The following NELL1 variants were observed in gnomAD, a reference collection of about 807,000 sequenced individuals.
NELL1 encodes the protein protein kinase C-binding protein NELL1.
In NELL1, 76 loss-of-function variants were observed where a neutral mutation model predicts 107.4. That is an observed-to-expected ratio of 0.71 (90% CI 0.59 to 0.86). NELL1 has a LOEUF of 0.86. Ranked by LOEUF, NELL1 falls within the 40% of genes least tolerant of loss-of-function variation. NELL1 has a pLI of 0.00. For missense variants in NELL1, 1,024 were observed against 1,005.5 expected, an observed-to-expected ratio of 1.02 and a Z score of -0.25; for synonymous variants, 353 against 341.2, an observed-to-expected ratio of 1.03 and a Z score of -0.38.
chr11:21,475,171 G>T (rs1199487748), intron 15 of NELL1, among the ~76,000 whole-genome samples: 2 of 152,056 alleles, frequency 1.3e-5, no homozygotes, highest in African/African-American at 4.8e-5. Flanking sequence ...TGTTAACATT[G>T]GTTATAACAC....
intron 2 of NELL1, chr11:20,769,269 G>C (rs1449496098): frequency 6.6e-6 from 1 of 152,350 alleles, no homozygotes; most frequent in African/African-American, 2.4e-5. Flanking sequence ...GAAGGCAGAG[G>C]AGTGCACAAT....
At chr11:21,057,803 T>A (rs1211716125) in intron 12 of NELL1, among the ~76,000 whole-genome samples, 1 of 152,018 alleles carries the variant, frequency 6.6e-6, no homozygotes, top group Non-Finnish European at 1.5e-5. Context: ...ATTTTGCCTA[T>A]CTGTGATTTT....
At chr11:21,286,454 G>A (rs149872284) in intron 14 of NELL1, among the ~76,000 whole-genome samples, 1,939 of 152,298 alleles carry the variant, frequency 0.013, 25 homozygotes, top group Middle Eastern at 0.027. Context: ...GGAGCAAGGG[G>A]CGGATTTTAG....
At chr11:20,697,965 G>T (rs759377482) in intron 2 of NELL1, among the ~76,000 whole-genome samples, 2 of 152,154 alleles carry the variant, frequency 1.3e-5, no homozygotes, top group Non-Finnish European at 2.9e-5. Context: ...TTTGTTAAAT[G>T]CCGATCTTCC....
intron 3 of NELL1, among the ~76,000 whole-genome samples, chr11:20,799,996 A>C (rs934225978): frequency 6.6e-6 from 1 of 152,176 alleles, no homozygotes; most frequent in Non-Finnish European, 1.5e-5. Context: ...ACTTAGGATC[A>C]TGGCCCCCAG....
chr11:21,097,055 T>G (rs1854660384), intron 12 of NELL1, among the ~76,000 whole-genome samples: 1 of 152,114 alleles, frequency 6.6e-6, no homozygotes, highest in Admixed American at 6.6e-5. Context: ...TTAACTACTC[T>G]ACTCCTAAAA....
At chr11:21,219,171 T>C (rs2133869803) in intron 13 of NELL1, among the ~76,000 whole-genome samples, 1 of 152,266 alleles carries the variant, frequency 6.6e-6, no homozygotes, top group Admixed American at 6.5e-5. Flanking sequence ...ATATAGGCCA[T>C]TTTAACTGGG....
chr11:21,231,925 T>C (rs1379953349), intron 14 of NELL1, among the ~76,000 whole-genome samples: 1 of 152,058 alleles, frequency 6.6e-6, no homozygotes, highest in Non-Finnish European at 1.5e-5. Flanking sequence ...GAGCTTGTAC[T>C]CTTCACACCT....
intron 12 of NELL1, among the ~76,000 whole-genome samples, chr11:21,062,938 A>T (rs1036028422): frequency 2.5e-4 from 38 of 151,808 alleles, no homozygotes; most frequent in Admixed American, 8.5e-4. Context: ...AGCAATTCTC[A>T]TCCCTTAGCC....
At chr11:21,531,178 C>A (rs78743273) in intron 15 of NELL1, among the ~76,000 whole-genome samples, 1,842 of 152,228 alleles carry the variant, frequency 0.012, 38 homozygotes, top group East Asian at 0.076. Context: ...CACAAACACA[C>A]ACACACATAT....
chr11:21,199,052 T>A (rs972188928), intron 13 of NELL1, among the ~76,000 whole-genome samples: 6 of 152,146 alleles, frequency 3.9e-5, no homozygotes, highest in Non-Finnish European at 8.8e-5. Context: ...CAGTTTTGTA[T>A]CTATTCTTTT....
chr11:20,819,081 T>A (rs1040070838), intron 3 of NELL1, among the ~76,000 whole-genome samples: 5 of 152,178 alleles, frequency 3.3e-5, no homozygotes, highest in Non-Finnish European at 5.9e-5. Flanking sequence ...AAACAGTATA[T>A]TTTACTGGCT....
chr11:20,735,236 G>A (rs1368767949), intron 2 of NELL1, among the ~76,000 whole-genome samples: 1 of 152,134 alleles, frequency 6.6e-6, no homozygotes, highest in Non-Finnish European at 1.5e-5. Context: ...CCAATGGCTT[G>A]GGAAAGATGA....
chr11:20,852,889 C>A (rs1187643043), intron 4 of NELL1, among the ~76,000 whole-genome samples: 1 of 152,164 alleles, frequency 6.6e-6, no homozygotes, highest in Admixed American at 6.5e-5. Flanking sequence ...ATTTAAGTAA[C>A]AGCACAAGGT....
chr11:21,131,223 A>G (rs1223323873), intron 13 of NELL1, among the ~76,000 whole-genome samples: 3 of 152,178 alleles, frequency 2.0e-5, no homozygotes, highest in East Asian at 3.9e-4. Context: ...GATTTAATTT[A>G]TATTATCTAT....
chr11:20,845,658 C>A (rs1159130065), intron 3 of NELL1, among the ~76,000 whole-genome samples: 1 of 152,140 alleles, frequency 6.6e-6, no homozygotes, highest in Non-Finnish European at 1.5e-5. Context: ...ATAATGAAAT[C>A]TACCTTAAAG....
At chr11:20,924,924 CA>C (rs1182301171) in intron 7 of NELL1, among the ~76,000 whole-genome samples, 1 of 152,086 alleles carries the variant, frequency 6.6e-6, no homozygotes, top group Non-Finnish European at 1.5e-5. Flanking sequence ...AAAAAAATTC[CA>C]AAAAGTTACA....
intron 16 of NELL1, among the ~76,000 whole-genome samples, chr11:21,536,137 C>A (rs912511741): frequency 6.6e-6 from 1 of 152,066 alleles, no homozygotes; most frequent in Non-Finnish European, 1.5e-5. Flanking sequence ...TCAAGGGATT[C>A]ATGTGCAGGT....
chr11:20,938,003 G>A (rs897935797), intron 10 of NELL1, 144 bp downstream of exon 10: 63 of 703,140 alleles, frequency 9.0e-5, no homozygotes, highest in Non-Finnish European at 1.4e-4. Flanking sequence ...TGGATTACAT[G>A]ATGGCGAGGA....
Sources: allele counts gnomAD v4.1 joint callset (sites outside exome capture counted in the v4.1 genomes callset), GRCh38; gene constraint gnomAD v4.1.1; transcripts MANE v1.5; gene names NCBI Gene and HGNC (gene_info 2026-07-23, HGNC 2026-07-21).